The following CXADR variants were observed in gnomAD, a reference collection of about 807,000 sequenced individuals.
CXADR encodes the protein CXADR cell adhesion molecule.
A neutral mutation model predicts 40.3 loss-of-function variants in CXADR; 20 were observed. The ratio of observed to expected loss-of-function variants is 0.50; its 90% CI spans 0.35 to 0.72. The LOEUF is 0.72. Among genes scored for constraint, CXADR ranks in the 30% least tolerant of loss-of-function variants. The probability of loss-of-function intolerance (pLI) is 0.01; values close to 1 mark genes in which losing one functional copy is unlikely to be tolerated. For synonymous variants in CXADR, 150 were observed against 161.3 expected (o/e 0.93, Z 0.53); for missense variants, 332 against 449.1 (o/e 0.74, Z 2.36).
At chr21:17,543,841 GGAA>G (rs1160113865) in intron 1 of CXADR, among the ~76,000 whole-genome samples, 2 of 152,116 alleles carry the variant, frequency 1.3e-5, no homozygotes, top group African/African-American at 4.8e-5. Context: ...AGGTAACATG[GGAA>G]GAAGATAAGT....
chr21:17,594,223 G>C, downstream of CXADR: 1 of 1,613,316 alleles, frequency 6.2e-7, no homozygotes, highest in Non-Finnish European at 8.5e-7. Context: ...ATAACCAAAT[G>C]GAACAGGAGG....
At chr21:17,572,350 T>A (rs1178693492), downstream of CXADR, among the ~76,000 whole-genome samples, 1 of 150,130 alleles carries the variant, frequency 6.7e-6, no homozygotes, top group Non-Finnish European at 1.5e-5. Context: ...CCAGCCTGGG[T>A]GACAGGGTGA....
chr21:17,581,961 C>T (rs367607941), intron 7 of CXADR, among the ~76,000 whole-genome samples: 13 of 151,746 alleles, frequency 8.6e-5, no homozygotes, highest in African/African-American at 1.9e-4. Context: ...TTTGTTTTGA[C>T]GGCGTTTCAC....
chr21:17,567,436 T>C lies in CXADR; in HGVS notation c.*1744T>C, dbSNP rs1044635620. On this transcript the variant is annotated 3_prime_UTR_variant, in exon 7 of 7. Transcript: ENST00000284878. ...CCTTTTGGTAATTTAATTTCTATTA[T>C]GAATTTCTGGTGCCTATGAGCTAGC... The C allele has an allele frequency of 3.0e-6, 3 of 985,220 alleles. No individual in the cohort carries two copies. The highest frequency in any genetic ancestry group is 3.5e-5 in the African/African-American group (2 of 57,250). The allele number at this position is 985,220 out of a possible 1,614,324, so 61.0% of individuals were successfully genotyped here.
At chr21:17,561,255 A>T in intron 5 of CXADR, 83 bp from the exon 6 acceptor site, 1 of 801,554 alleles carries the variant, frequency 1.2e-6, no homozygotes, top group Non-Finnish European at 1.8e-6. Flanking sequence ...TGATGAAATC[A>T]ATCTAAAAAT....
At chr21:17,596,099 C>T (rs1411146617), downstream of CXADR, among the ~76,000 whole-genome samples, 2 of 151,952 alleles carry the variant, frequency 1.3e-5, no homozygotes, top group Admixed American at 6.6e-5. Flanking sequence ...TTTGAGATTA[C>T]AGCAGGATAT....
At chr21:17,545,080 T>G (rs921551419) in intron 1 of CXADR, among the ~76,000 whole-genome samples, 1 of 143,064 alleles carries the variant, frequency 7.0e-6, no homozygotes, top group Non-Finnish European at 1.5e-5. Context: ...GTGTTTTTTT[T>G]TTTTTTTTTT....
the CXADR span, among the ~76,000 whole-genome samples, chr21:17,621,167 G>A: frequency 2.0e-5 from 3 of 152,102 alleles, no homozygotes; most frequent in Admixed American, 6.5e-5. Flanking sequence ...CCAAGTTGAC[G>A]CATACAATCA....
intron 6 of CXADR, among the ~76,000 whole-genome samples, chr21:17,562,300 C>A (rs2061134411): frequency 2.0e-5 from 3 of 151,208 alleles, no homozygotes; most frequent in South Asian, 4.2e-4. Flanking sequence ...ATGGCAATTT[C>A]TTTCTTTGGT....
intron 1 of CXADR, among the ~76,000 whole-genome samples, chr21:17,530,836 T>A (rs1288361735): frequency 6.6e-6 from 1 of 151,982 alleles, no homozygotes; most frequent in Non-Finnish European, 1.5e-5. Context: ...AAGAAAATAC[T>A]ACTGTGACAT....
At chr21:17,615,832 TC>T in the CXADR span, among the ~76,000 whole-genome samples, 2 of 152,230 alleles carry the variant, frequency 1.3e-5, no homozygotes, top group African/African-American at 4.8e-5. Context: ...TGGTTGTGTC[TC>T]AGAGTTGCAG....
chr21:17,573,521 C>G (rs1343098198), downstream of CXADR, among the ~76,000 whole-genome samples: 11 of 152,236 alleles, frequency 7.2e-5, no homozygotes, highest in Admixed American at 7.2e-4. Flanking sequence ...TGATCCTCAA[C>G]TGCCTCTGCC....
At chr21:17,619,173 TA>T in the CXADR span, among the ~76,000 whole-genome samples, 1 of 152,114 alleles carries the variant, frequency 6.6e-6, no homozygotes, top group African/African-American at 2.4e-5. Flanking sequence ...TTCAGAATGG[TA>T]AATGACCACT....
At chr21:17,615,262 G>C in the CXADR span, among the ~76,000 whole-genome samples, 1 of 152,158 alleles carries the variant, frequency 6.6e-6, no homozygotes. Context: ...GGATCTGCTG[G>C]TACCTTGATC....
chr21:17,536,670 A>G (rs767354376), intron 1 of CXADR, among the ~76,000 whole-genome samples: 1 of 152,226 alleles, frequency 6.6e-6, no homozygotes, highest in Non-Finnish European at 1.5e-5. Flanking sequence ...ACCTAGAGGA[A>G]ATGTATAAAA....
intron 7 of CXADR, among the ~76,000 whole-genome samples, chr21:17,583,889 C>T (rs2061377010): frequency 6.6e-6 from 1 of 152,198 alleles, no homozygotes; most frequent in African/African-American, 2.4e-5. Context: ...AATGGATCTA[C>T]AAGGCTGCCT....
chr21:17,635,460 G>A, the CXADR span, among the ~76,000 whole-genome samples: 41 of 151,848 alleles, frequency 2.7e-4, no homozygotes, highest in Admixed American at 1.6e-3. Flanking sequence ...CATCATTTAT[G>A]TCACCAGCAG....
chr21:17,587,947 T>C (rs1432341172), intron 7 of CXADR, among the ~76,000 whole-genome samples: 3 of 152,116 alleles, frequency 2.0e-5, no homozygotes, highest in East Asian at 1.9e-4. Context: ...CAGCTTTCTA[T>C]ATATGGCTAG....
chr21:17,622,071 ACATAAAG>A, the CXADR span, among the ~76,000 whole-genome samples: 1 of 152,226 alleles, frequency 6.6e-6, no homozygotes, highest in African/African-American at 2.4e-5. Flanking sequence ...GAAGGCATAA[ACATAAAG>A]GAATTGCCTC....
Sources: gnomAD v4.1 joint callset for allele counts (sites outside exome capture counted in the v4.1 genomes callset) on GRCh38, gnomAD v4.1.1 for gene constraint, MANE v1.5 for transcripts, NCBI Gene and HGNC (gene_info 2026-07-23, HGNC 2026-07-21) for gene names.